SLC19A1: variants seen among roughly 807,000 people sequenced by gnomAD.
The protein encoded by SLC19A1 is solute carrier family 19 member 1.
Under a neutral mutation model 35.3 loss-of-function variants are expected in SLC19A1, and 37 were observed. The ratio of observed to expected loss-of-function variants is 1.05; its 90% CI spans 0.81 to 1.38. SLC19A1 has a LOEUF of 1.38. SLC19A1 is among the 40% of genes most tolerant of loss of function. The pLI, the probability that SLC19A1 is intolerant of heterozygous loss-of-function variation, is 0.00. For synonymous variants in SLC19A1, 460 were observed against 398.5 expected, an observed-to-expected ratio of 1.15 and a Z score of -1.84; for missense variants, 831 against 826.9, an observed-to-expected ratio of 1.00 and a Z score of -0.06.
intron 5 of SLC19A1, 50 bp from the exon 6 acceptor site, chr21:45,516,190 C>T (rs2037928667): frequency 6.9e-7 from 1 of 1,456,360 alleles, no homozygotes; most frequent in African/African-American, 1.4e-5. Flanking sequence ...GGCTGGGACA[C>T]TGGCACCCTA....
At chr21:45,512,403 C>T (rs1233187233), downstream of SLC19A1, 5 of 1,611,874 alleles carry the variant, frequency 3.1e-6, no homozygotes, top group African/African-American at 1.3e-5. Context: ...AAGTAGCCAC[C>T]GCCTGGATGC....
rs902353947 is a variant in SLC19A1 at position 45,555,530 on chromosome 21, AGGGGGCGGCGGC to A, written c.-50+7200_-50+7211del. ...CGCGGGTTGCAGGGAACGGAGGTGC[AGGGGGCGGCGGC>A]GGGGGCGGCGGCGAAAGGGGACGGG... On this transcript the variant is annotated intron_variant, in intron 1 of 5. Transcript: ENST00000650808. 1.4e-4 allele frequency among the ~76,000 whole-genome samples: 3 copies of A among 21,706 alleles called. No homozygotes were observed. In the East Asian group the frequency reaches 3.8e-3, roughly 27 times the overall value. The allele number at this position is 21,706 out of a possible 152,430, so 14.2% of individuals were successfully genotyped here.
chr21:45,506,978 ACCCGGATGCAG>A (rs2037245416), intron 3 of SLC19A1: 1 of 275,752 alleles, frequency 3.6e-6, no homozygotes, highest in Non-Finnish European at 7.3e-6. Context: ...GCTTGTAGGC[ACCCGGATGCAG>A]CCCCATCCTA....
chr21:45,556,181 G>C (rs1202791548), intron 1 of SLC19A1, among the ~76,000 whole-genome samples: 1 of 152,232 alleles, frequency 6.6e-6, no homozygotes, highest in African/African-American at 2.4e-5. Context: ...GGTGGCTGCA[G>C]CCACCCCGGG....
At chr21:45,520,406 T>C (rs1056183234) in intron 5 of SLC19A1, among the ~76,000 whole-genome samples, 2 of 152,186 alleles carry the variant, frequency 1.3e-5, no homozygotes, top group Non-Finnish European at 2.9e-5. Context: ...ATGACATAAT[T>C]ATCTACGTAG....
chr21:45,512,195 A>C, downstream of SLC19A1: 1 of 1,612,286 alleles, frequency 6.2e-7, no homozygotes, highest in Non-Finnish European at 8.5e-7. Context: ...CAGGCCCCAG[A>C]AGAGCGTGTG....
At position 45,533,337 on chromosome 21, in the gene SLC19A1, A is replaced by G. The variant is rs2077998778; in HGVS notation, c.190-1189T>C. Among the ~76,000 whole-genome samples the G allele has an allele frequency of 2.0e-5, 3 of 152,188 alleles. No individual in the cohort carries two copies. In the South Asian group the frequency reaches 6.2e-4, roughly 31 times the overall value. On this transcript the variant is annotated intron_variant, in intron 2 of 5. Transcript: ENST00000311124. This position sits in a 1 kb window ranked among gnomAD's most constrained non-coding sequence, Gnocchi z 4.5. ...CTCCTACAGGACAAGGTCAGAGGACACTGCCCCAGACTACTACAGGCAGGC... is the reference window on the plus strand; with the variant it reads ...CTCCTACAGGACAAGGTCAGAGGACGCTGCCCCAGACTACTACAGGCAGGC...
chr21:45,536,994 T>G (rs1338099855), intron 2 of SLC19A1, among the ~76,000 whole-genome samples: 3 of 152,332 alleles, frequency 2.0e-5, no homozygotes, highest in East Asian at 3.9e-4. Flanking sequence ...TGACTGGGCA[T>G]AAGCCTATTA....
At position 45,531,483 on chromosome 21, in the gene SLC19A1, G is replaced by A. The variant is rs765766959; in HGVS notation, c.855C>T (p.Val285=). Residue 285 remains valine, a synonymous_variant, in exon 3 of 6, where the codon GTC becomes GTT. Coordinates refer to ENST00000311124, the MANE Select transcript of SLC19A1 (RefSeq NM_194255.4). The stretch of plus-strand genomic sequence containing the variant: ...CGTTCCACAGGATGTGCACGTAGTA[G>A]ACCACCAGGTAGTAGCCGGCCGAGT... The part of the protein sequence containing the change: ...VFNSAGYYLV[V]YYVHILWNEV... 2 of 1,612,676 alleles carry A rather than the reference G, an allele frequency of 1.2e-6. No homozygotes were observed. The highest frequency in any genetic ancestry group is 2.2e-5 in the East Asian group (1 of 44,898).
intron 3 of SLC19A1, chr21:45,505,075 G>T: frequency 6.3e-7 from 1 of 1,578,850 alleles, no homozygotes. Flanking sequence ...CCACAAGCTT[G>T]CCCGCCCCCA....
Position 45,532,135 on chromosome 21 carries a change from A to C in SLC19A1, c.203T>G (p.Ile68Ser). 6.2e-7 allele frequency: 1 copy of C among 1,600,250 alleles called. No homozygotes were observed. The highest frequency in any genetic ancestry group is 8.5e-7 in the Non-Finnish European group (1 of 1,171,246). The change falls in exon 3 of 6, where the codon ATC (isoleucine) becomes AGC (serine). Residue 68 changes from isoleucine (I) to serine (S), a missense_variant. Physicochemically the swap from Ile to Ser is moderately radical, Grantham distance 142. Transcript: ENST00000311124. ...NFTREQVTNE[I>S]TPVLSYSYLA... ...GTAGGAGTACGACAGCACCGGCGTG[A>C]TCTCGTTCGTGACCTGCGGACAGGC...
At chr21:45,562,793 T>A (rs2078627153) in exon 1 of SLC19A1, among the ~76,000 whole-genome samples, 1 of 151,826 alleles carries the variant, frequency 6.6e-6, no homozygotes, top group Non-Finnish European at 1.5e-5. Flanking sequence ...TAGGTGTGAA[T>A]GGATCAGAGG....
At chr21:45,529,037 T>C (rs1210364367) in intron 4 of SLC19A1, among the ~76,000 whole-genome samples, 1 of 152,220 alleles carries the variant, frequency 6.6e-6, no homozygotes. Context: ...CTTTCCACAG[T>C]GCTGGCAGGT....
Position 45,514,161 on chromosome 21 carries a change from C to CCT in SLC19A1, c.*1495_*1496dup, listed in dbSNP as rs1311274694. The CCT allele has an allele frequency of 6.6e-6, 1 of 152,344 alleles. No individual in the cohort carries two copies. The highest frequency in any genetic ancestry group is 1.5e-5 in the Non-Finnish European group (1 of 68,192). The allele number at this position is 152,344 out of a possible 1,614,324, so 9.4% of individuals were successfully genotyped here. A position where few individuals can be genotyped will look rare whatever the true frequency, so the allele number is the denominator to read the frequency against. Reference sequence around the variant, plus strand: ...AGGAGGATTCTGATGGCGGTGTGGGCCTCCCCAGTGACGCTCTAGCCCATG... The same window carrying CCT: ...AGGAGGATTCTGATGGCGGTGTGGGCCTCTCCCCAGTGACGCTCTAGCCCATG... On this transcript the variant is annotated 3_prime_UTR_variant, in exon 6 of 6. Transcript: ENST00000311124.
At position 45,531,878 on chromosome 21, in the gene SLC19A1, C is replaced by T. The variant is rs780465334; in HGVS notation, c.460G>A (p.Gly154Ser). ...VRPARYQRVA[G>S]YSRAAVLLGV... is the part of the protein sequence containing the mutation. ...AGCAGCACCGCAGCGCGCGAGTAGCCGGCCACACGCTGGTAGCGCGCGGGC... is the reference window on the plus strand; with the variant it reads ...AGCAGCACCGCAGCGCGCGAGTAGCTGGCCACACGCTGGTAGCGCGCGGGC... Residue 154 changes from glycine to serine, a missense_variant, in exon 3 of 6, where the codon GGC (glycine) becomes AGC (serine). By Grantham distance (56) the Gly-to-Ser change is moderately conservative (BLOSUM62 0). Coordinates refer to ENST00000311124, the MANE Select transcript of SLC19A1 (RefSeq NM_194255.4). 9.5e-6 allele frequency: 15 copies of T among 1,586,336 alleles called. No homozygotes were observed. The highest frequency in any genetic ancestry group is 1.2e-5 in the Non-Finnish European group (14 of 1,167,138).
Position 45,537,983 on chromosome 21 carries a change from C to A in SLC19A1, c.-24G>T. The A allele has an allele frequency of 6.7e-7, 1 of 1,492,394 alleles. No individual in the cohort carries two copies. Among genetic ancestry groups the A allele is most frequent in the South Asian group, 1.3e-5 (1 of 78,774 alleles). 92.4% of individuals were successfully genotyped at this position (1,492,394 alleles called of 1,614,324 possible). A position where few individuals can be genotyped will look rare whatever the true frequency, so the allele number is the denominator to read the frequency against. Reference sequence around the variant, plus strand: ...ATCCTGCTCAGGCCACGTGCAGCTCCGGAGGGGACGAAGGTGACGCTGTGC... The same window carrying A: ...ATCCTGCTCAGGCCACGTGCAGCTCAGGAGGGGACGAAGGTGACGCTGTGC... On this transcript the variant is annotated 5_prime_UTR_variant, in exon 2 of 6. Coordinates refer to ENST00000311124, the MANE Select transcript of SLC19A1 (RefSeq NM_194255.4).
intron 2 of SLC19A1, among the ~76,000 whole-genome samples, chr21:45,535,190 G>T (rs1056594811): frequency 1.3e-5 from 2 of 152,228 alleles, no homozygotes; most frequent in East Asian, 3.8e-4. Context: ...CCTGGAGGAG[G>T]GCGGGGGCTG....
Position 45,533,169 on chromosome 21 carries a change from CAT to C in SLC19A1, c.190-1023_190-1022del, listed in dbSNP as rs2077991600. Reference sequence around the variant, plus strand: ...CTGCCCACCCCCACCTCCTCCATCACATGTTATGTGGGAACCCAGCTCCACAG... The same window carrying C: ...CTGCCCACCCCCACCTCCTCCATCACGTTATGTGGGAACCCAGCTCCACAG... On this transcript the variant is annotated intron_variant, in intron 2 of 5. Transcript: ENST00000311124. This position sits in a 1 kb window ranked among gnomAD's most constrained non-coding sequence, Gnocchi z 4.5. Among the ~76,000 whole-genome samples the C allele has an allele frequency of 2.6e-5, 4 of 152,212 alleles. No homozygotes were observed. Among genetic ancestry groups the C allele is most frequent in the African/African-American group, 9.6e-5 (4 of 41,458 alleles).
At chr21:45,528,006 A>G (rs2077707613) in intron 4 of SLC19A1, among the ~76,000 whole-genome samples, 1 of 151,594 alleles carries the variant, frequency 6.6e-6, no homozygotes, top group Non-Finnish European at 1.5e-5. Context: ...AAAAATAAAC[A>G]AAAATGCCCA....
Sources: gnomAD v4.1 joint callset for allele counts (sites outside exome capture counted in the v4.1 genomes callset) on GRCh38, gnomAD v4.1.1 for gene constraint, Gnocchi (gnomAD v3.1) non-coding constraint, MANE v1.5 for transcripts, NCBI Gene and HGNC (gene_info 2026-07-23, HGNC 2026-07-21) for gene names.